The following GON4L variants were observed in gnomAD, a reference collection of about 807,000 sequenced individuals.
GON4L encodes GON-4-like protein.
In GON4L, 87 loss-of-function variants were observed where a neutral mutation model predicts 211.8. The observed-to-expected ratio is 0.41, with a 90% CI of 0.35 to 0.49. The LOEUF is 0.49. Among genes scored for constraint, GON4L ranks in the 20% least tolerant of loss-of-function variants. The probability of loss-of-function intolerance (pLI) is 0.15; values close to 1 mark genes in which losing one functional copy is unlikely to be tolerated. For missense variants in GON4L, 2,155 were observed against 2,659.5 expected (o/e 0.81, Z 4.17); for synonymous variants, 875 against 962.6 (o/e 0.91, Z 1.68).
chr1:155,780,842 A>G (rs1024546490), intron 14 of GON4L, among the ~76,000 whole-genome samples: 3 of 152,192 alleles, frequency 2.0e-5, no homozygotes, highest in East Asian at 1.9e-4. Context: ...TCATATTTCA[A>G]GTAATCTCCA....
At chr1:155,815,511 A>G (rs1269338265) in intron 8 of GON4L, among the ~76,000 whole-genome samples, 1 of 152,094 alleles carries the variant, frequency 6.6e-6, no homozygotes, top group Non-Finnish European at 1.5e-5. Context: ...GGGAGGGTAT[A>G]CAGGGGTTGT....
At chr1:155,852,585 C>CA (rs1384715789) in intron 2 of GON4L, among the ~76,000 whole-genome samples, 6 of 151,140 alleles carry the variant, frequency 4.0e-5, no homozygotes, top group African/African-American at 1.2e-4. Flanking sequence ...ACTAAAAATA[C>CA]AAAAAAAATT....
intron 2 of GON4L, among the ~76,000 whole-genome samples, chr1:155,838,911 C>G (rs1571910732): frequency 1.3e-5 from 2 of 151,428 alleles, no homozygotes; most frequent in South Asian, 4.1e-4. Flanking sequence ...TGGGTCATTT[C>G]CAATTAAGAA....
chr1:155,777,824 T>A lies in GON4L; in HGVS notation c.1893-4A>T, dbSNP rs751319157. 1.3e-6 allele frequency: 2 copies of A among 1,589,794 alleles called. No individual in the cohort carries two copies. The highest frequency in any genetic ancestry group is 1.7e-6 in the Non-Finnish European group (2 of 1,158,556). On this transcript the variant is annotated splice_region_variant and splice_polypyrimidine_tract_variant and intron_variant, in intron 14 of 31. Transcript: ENST00000368331. The stretch of plus-strand genomic sequence containing the variant: ...GTTGGCCAGTGGTTCCTCAAACCTA[T>A]TCCCAACAGGGAGATGACTGAATTT...
chr1:155,777,895 G>A, intron 14 of GON4L, 75 bp from the exon 15 acceptor site: 2 of 876,160 alleles, frequency 2.3e-6, no homozygotes, highest in Non-Finnish European at 1.9e-6. Context: ...TTCCAATGAT[G>A]AGCAAAGAGC....
downstream of GON4L, chr1:155,748,491 T>C: frequency 6.2e-6 from 10 of 1,613,444 alleles, no homozygotes; most frequent in Non-Finnish European, 7.6e-6. Context: ...CCAGTTTCCA[T>C]GGTTCATCTG....
At chr1:155,753,844 C>T (rs964050737) in intron 28 of GON4L, among the ~76,000 whole-genome samples, 2 of 151,966 alleles carry the variant, frequency 1.3e-5, no homozygotes, top group Non-Finnish European at 2.9e-5. Context: ...CCTGAGTGCC[C>T]TGTTGCCCAG....
At chr1:155,858,921 C>G (rs1409768122), upstream of GON4L, among the ~76,000 whole-genome samples, 1 of 152,006 alleles carries the variant, frequency 6.6e-6, no homozygotes, top group Non-Finnish European at 1.5e-5. Flanking sequence ...TCTCGAACTC[C>G]TGACCTCAAG....
chr1:155,774,580 T>C (rs1187403391), intron 17 of GON4L, among the ~76,000 whole-genome samples: 1 of 152,120 alleles, frequency 6.6e-6, no homozygotes, highest in Non-Finnish European at 1.5e-5. Flanking sequence ...GTACTGGGAT[T>C]ACAGGCGTGA....
At position 155,752,537 on chromosome 1, in the gene GON4L, C is replaced by T. The variant is rs772007507; in HGVS notation, c.5896G>A (p.Glu1966Lys). ...GGTGGGCCATCCAGGAGGAGCCGTT[C>T]TGTAACAGTCACTTCTCGAGGGGAT... Reference protein sequence around the residue: ...LPSPREVTVTERLLLDGPPPH... With the variant: ...LPSPREVTVTKRLLLDGPPPH... Residue 1966 changes from glutamate to lysine, a missense_variant, in exon 30 of 32, where the codon GAA (glutamate) becomes AAA (lysine). Physicochemically the swap from Glu to Lys is moderately conservative, Grantham distance 56 (BLOSUM62 1). Coordinates refer to ENST00000368331, the MANE Select transcript of GON4L (RefSeq NM_001282860.2). 1.9e-6 allele frequency: 3 copies of T among 1,603,792 alleles called. No individual in the cohort carries two copies. The highest frequency in any genetic ancestry group is 2.2e-5 in the South Asian group (2 of 89,788).
intron 3 of GON4L, among the ~76,000 whole-genome samples, chr1:155,822,736 G>T (rs769022268): frequency 6.6e-6 from 1 of 152,192 alleles, no homozygotes; most frequent in Non-Finnish European, 1.5e-5. Context: ...AACTTTTGGG[G>T]TGACAGAAAT....
downstream of GON4L, chr1:155,747,108 G>A (rs764993586): frequency 2.9e-5 from 47 of 1,605,558 alleles, 1 homozygote; most frequent in South Asian, 7.7e-5. Context: ...ACTAAATGTC[G>A]ATTTTTCTGA....
rs2101606956 is a variant in GON4L, at chr1:155,751,859, G to A, written c.6484C>T (p.Arg2162Cys). 1 of 1,613,012 alleles carries A rather than the reference G, an allele frequency of 6.2e-7. No homozygotes were observed. Among genetic ancestry groups the A allele is most frequent in the Non-Finnish European group, 8.5e-7 (1 of 1,179,078 alleles). Residue 2162 changes from arginine (R) to cysteine (C), a missense_variant, in exon 31 of 32, where the codon CGT becomes TGT. Coordinates refer to ENST00000368331, the MANE Select transcript of GON4L (RefSeq NM_001282860.2). ...TCCTGGCACATGGTGAGGATCACAC[G>A]GTCAGCTTCCCTGTAACCCAGGTAT... ...KVVLWTREADRVILTMCQEQG... is the reference protein window; with the variant it reads ...KVVLWTREADCVILTMCQEQG...
intron 17 of GON4L, chr1:155,773,493 G>A: frequency 4.6e-6 from 2 of 432,128 alleles, no homozygotes; most frequent in South Asian, 4.7e-5. Context: ...AGTAAAATAA[G>A]GTGCTAACAA....
intron 21 of GON4L, chr1:155,764,731 G>A (rs911487263): frequency 9.2e-7 from 1 of 1,085,102 alleles, no homozygotes; most frequent in Non-Finnish European, 1.3e-6. Context: ...GAGCCACCAA[G>A]CCCAGCCTAT....
At chr1:155,836,783 T>C (rs146515364) in intron 2 of GON4L, among the ~76,000 whole-genome samples, 1,539 of 152,336 alleles carry the variant, frequency 0.01, 100 homozygotes, top group Admixed American at 0.086. Context: ...GTCATTTTAC[T>C]TTTCTGCTCT....
intron 2 of GON4L, among the ~76,000 whole-genome samples, chr1:155,834,130 C>T (rs1418351155): frequency 2.0e-5 from 3 of 152,072 alleles, no homozygotes; most frequent in African/African-American, 7.2e-5. Flanking sequence ...AGCCCCATTC[C>T]TTCCTCTTTA....
Position 155,826,882 on chromosome 1 carries a change from G to T in GON4L, c.652C>A (p.Gln218Lys). ...QEKPLRTLFH[Q>K]PEEEIEDGGL... ...CCATCTTCTATCTCTTCCTCAGGTT[G>T]GTGAAACAGAGTCCTGAGTGGCTTT... is the stretch of plus-strand genomic sequence containing the variant. Residue 218 changes from glutamine (Q) to lysine (K), a missense_variant, in exon 3 of 32, where the codon CAA becomes AAA. By Grantham distance (53) the Gln-to-Lys change is moderately conservative (BLOSUM62 1). Around this residue, in one of 6 missense-constraint regions of GON4L, gnomAD observed 313 missense variants for 293.2 expected, o/e 1.07. Transcript: ENST00000368331. The T allele has an allele frequency of 6.2e-7, 1 of 1,613,326 alleles. No homozygotes were observed.
chr1:155,784,300 T>A, intron 13 of GON4L: 1 of 497,674 alleles, frequency 2.0e-6, no homozygotes, highest in Non-Finnish European at 3.6e-6. Context: ...ATTCAACCAG[T>A]CAACTTGTAA....
Sources: gnomAD v4.1 joint callset for allele counts (sites outside exome capture counted in the v4.1 genomes callset) on GRCh38, gnomAD v4.1.1 for gene constraint, gnomAD v4.1.1 regional missense constraint, MANE v1.5 for transcripts, NCBI Gene and HGNC (gene_info 2026-07-23, HGNC 2026-07-21) for gene names.